The following CFLAR variants were observed in gnomAD, a reference collection of about 807,000 sequenced individuals.
The protein encoded by CFLAR is CASP8 and FADD like apoptosis regulator, also known as CASP8 and FADD-like apoptosis regulator.
A neutral mutation model predicts 51.1 loss-of-function variants in CFLAR; 14 were observed. The observed-to-expected ratio is 0.27, with a 90% confidence interval of 0.18 to 0.43. CFLAR has a LOEUF of 0.43. Among genes scored for constraint, CFLAR ranks in the 20% least tolerant of loss-of-function variants. The pLI is 1.00. For synonymous variants in CFLAR, 210 were observed against 211.6 expected, an observed-to-expected ratio of 0.99 and a Z score of 0.06; for missense variants, 390 against 566.5, an observed-to-expected ratio of 0.69 and a Z score of 3.16.
intron 1 of CFLAR, among the ~76,000 whole-genome samples, chr2:201,129,048 T>G (rs1406626491): frequency 6.6e-6 from 1 of 152,180 alleles, no homozygotes; most frequent in African/African-American, 2.4e-5. Flanking sequence ...CTCTGGCACC[T>G]CCATGGGGCT....
At chr2:201,140,776 TAC>T (rs947093094) in intron 5 of CFLAR, 9 of 159,418 alleles carry the variant, frequency 5.6e-5, no homozygotes, top group Admixed American at 2.6e-4. Flanking sequence ...TATATATATA[TAC>T]ATACATACAT....
Position 201,138,771 on chromosome 2 carries a change from G to T in CFLAR, c.524-1586G>T, listed in dbSNP as rs192199424. ...CACCTCACTGGCCTGGAACTCTGGGGTGCAGTTGTGGTGAATGAAACCAGT... is the reference window on the plus strand; with the variant it reads ...CACCTCACTGGCCTGGAACTCTGGGTTGCAGTTGTGGTGAATGAAACCAGT... On this transcript the variant is annotated intron_variant, in intron 4 of 9. Transcript: ENST00000309955. The surrounding 1 kb of genome is among the most constrained non-coding windows in gnomAD (Gnocchi z 4.0). 7.0e-5 allele frequency: 54 copies of T among 769,088 alleles called. No individual in the cohort carries two copies. The highest frequency in any genetic ancestry group is 1.1e-4 in the Non-Finnish European group (47 of 419,562). The allele number at this position is 769,088 out of a possible 1,614,324, so 47.6% of individuals were successfully genotyped here. A position where few individuals can be genotyped will look rare whatever the true frequency, so the allele number is the denominator to read the frequency against.
At chr2:201,158,138 C>T (rs1942480483) in intron 8 of CFLAR, among the ~76,000 whole-genome samples, 1 of 152,196 alleles carries the variant, frequency 6.6e-6, no homozygotes. Context: ...CAGTCTCTTC[C>T]AAGACCATGC....
Position 201,130,138 on chromosome 2 carries a change from G to T in CFLAR, c.273G>T (p.Ser91=). 1 of 1,331,094 alleles carries T rather than the reference G, an allele frequency of 7.5e-7. No individual in the cohort carries two copies. The highest frequency in any genetic ancestry group is 1.0e-6 in the Non-Finnish European group (1 of 1,002,202). The allele number at this position is 1,331,094 out of a possible 1,614,324, so 82.5% of individuals were successfully genotyped here. ...THLLRNPHLV[S]DYRVLMAEIG... Reference sequence around the variant, plus strand: ...TGCTCAGGAACCCTCACCTTGTTTCGGACTATAGGTAATTCATCAACTCTT... The same window carrying T: ...TGCTCAGGAACCCTCACCTTGTTTCTGACTATAGGTAATTCATCAACTCTT... Residue 91 remains serine (S), a synonymous_variant, in exon 2 of 10, where the codon TCG becomes TCT. Transcript: ENST00000309955.
intron 9 of CFLAR, 141 bp downstream of exon 9, chr2:201,161,083 A>G: frequency 1.6e-6 from 1 of 622,510 alleles, no homozygotes; most frequent in Non-Finnish European, 2.8e-6. Context: ...GGCTTGCCCT[A>G]GGACTACAGT....
At chr2:201,146,248 G>GT (rs1463784580) in intron 6 of CFLAR, 1 of 152,244 alleles carries the variant, frequency 6.6e-6, no homozygotes, top group Non-Finnish European at 1.5e-5. Flanking sequence ...CTGGGTTCAG[G>GT]TGATTCTTAT....
At chr2:201,163,623 G>C in intron 9 of CFLAR, 1 of 1,366,976 alleles carries the variant, frequency 7.3e-7, no homozygotes, top group Non-Finnish European at 9.4e-7. Flanking sequence ...TGTTCCCAGA[G>C]TGAAACTCAG....
At chr2:201,148,740 C>T (rs567330983) in intron 6 of CFLAR, 3 of 366,584 alleles carry the variant, frequency 8.2e-6, no homozygotes, top group Middle Eastern at 7.9e-4. Context: ...TCACCTAGAA[C>T]GGGGTAGGGG....
chr2:201,161,107 G>A (rs1942936831), intron 9 of CFLAR, among the ~76,000 whole-genome samples, 165 bp downstream of exon 9: 1 of 152,222 alleles, frequency 6.6e-6, no homozygotes, highest in African/African-American at 2.4e-5. Flanking sequence ...GACCCGGCAT[G>A]ATTTATAAAT....
intron 3 of CFLAR, 116 bp downstream of exon 3, chr2:201,133,250 C>T (rs751253971): frequency 8.8e-6 from 6 of 682,830 alleles, no homozygotes; most frequent in East Asian, 2.7e-5. Flanking sequence ...GGGAGTCAGA[C>T]ATCTCAGGTG....
In CFLAR at chr2:201,118,313, G is replaced by A. The variant is rs2047816147; in HGVS notation, c.-138+1832G>A. 6.6e-6 allele frequency among the ~76,000 whole-genome samples: 1 copy of A among 152,186 alleles called. No individual in the cohort carries two copies. Among genetic ancestry groups the A allele is most frequent in the Admixed American group, 6.5e-5 (1 of 15,282 alleles). ...AGGTGAAGCCATTTGCAGGGTCGCT[G>A]GGTTTCCCCCTCCCCCCGAAAGTCT... On this transcript the variant is annotated intron_variant, in intron 1 of 9. Coordinates refer to ENST00000309955, the MANE Select transcript of CFLAR (RefSeq NM_003879.7). This position sits in a 1 kb window ranked among gnomAD's most constrained non-coding sequence, Gnocchi z 5.1.
At chr2:201,119,770 C>A (rs1259833619) in intron 1 of CFLAR, among the ~76,000 whole-genome samples, 1 of 150,950 alleles carries the variant, frequency 6.6e-6, no homozygotes, top group Non-Finnish European at 1.5e-5. Flanking sequence ...AGTTAAAATA[C>A]ATGCAAAGTA....
intron 5 of CFLAR, chr2:201,140,830 T>TA (rs1260351379): frequency 6.4e-6 from 1 of 157,246 alleles, no homozygotes; most frequent in Non-Finnish European, 1.4e-5. Flanking sequence ...ACTGTTCATT[T>TA]ATTCACTTGA....
intron 6 of CFLAR, 96 bp from the exon 7 acceptor site, chr2:201,148,906 AG>A: frequency 1.3e-6 from 1 of 798,386 alleles, no homozygotes; most frequent in Non-Finnish European, 2.2e-6. Context: ...GAAAATAGGA[AG>A]GGAGAACAGT....
rs1248475243 is a variant in CFLAR at position 201,138,652 on chromosome 2, G to A, written c.524-1705G>A. The A allele has an allele frequency of 2.4e-6, 3 of 1,224,714 alleles. No homozygotes were observed. Among genetic ancestry groups the A allele is most frequent in the African/African-American group, 1.5e-5 (1 of 67,716 alleles). The allele number at this position is 1,224,714 out of a possible 1,614,324, so 75.9% of individuals were successfully genotyped here. On this transcript the variant is annotated intron_variant, in intron 4 of 9. Transcript: ENST00000309955. This position sits in a 1 kb window ranked among gnomAD's most constrained non-coding sequence, Gnocchi z 4.0. ...ATGGGGATGCCAGAGAAGCCATGAC[G>A]CATCTTGGCCTCCAACACATCACCC...
At position 201,169,438 on chromosome 2, in the gene CFLAR, T is replaced by A. The variant is rs934438732; in HGVS notation, c.*5465T>A. 6.6e-6 allele frequency: 1 copy of A among 152,160 alleles called. No individual in the cohort carries two copies. Among genetic ancestry groups the A allele is most frequent in the South Asian group, 2.1e-4 (1 of 4,830 alleles). The allele number at this position is 152,160 out of a possible 1,614,324, so 9.4% of individuals were successfully genotyped here. A position where few individuals can be genotyped will look rare whatever the true frequency, so the allele number is the denominator to read the frequency against. ...AGAAAATTGAAACTGACCCCTTCCT[T>A]ACACCTTATACAAAAATTAACTCAA... On this transcript the variant is annotated 3_prime_UTR_variant, in exon 10 of 10. Coordinates refer to ENST00000309955, the MANE Select transcript of CFLAR (RefSeq NM_003879.7).
At chr2:201,149,692 T>C (rs903241934) in intron 7 of CFLAR, 62 bp from the exon 8 acceptor site, 1 of 1,279,122 alleles carries the variant, frequency 7.8e-7, no homozygotes, top group South Asian at 1.2e-5. Context: ...GGTATATGGG[T>C]GGGACCTTAT....
At position 201,145,397 on chromosome 2, in the gene CFLAR, A is replaced by G. The variant is rs1939919274; in HGVS notation, c.626A>G (p.Lys209Arg). The change falls in exon 6 of 10, where the codon AAA (lysine) becomes AGA (arginine). Residue 209 changes from lysine (K) to arginine (R), a missense_variant. Around this residue, in one of 2 missense-constraint regions of CFLAR, gnomAD observed 287 missense variants for 363.6 expected, o/e 0.79. Transcript: ENST00000309955. ...TTGAAGCTCCATAATGGGAGAAGTA[A>G]AGAACAAAGACTTAAGGAACAGCTT... Reference protein sequence around the residue: ...NNFRLHNGRSKEQRLKEQLGA... With the variant: ...NNFRLHNGRSREQRLKEQLGA... 9 of 1,607,654 alleles carry G rather than the reference A, an allele frequency of 5.6e-6. 1 individual carries two copies. The highest frequency in any genetic ancestry group is 1.7e-5 in the Admixed American group (1 of 59,878).
rs532272027 is a variant in CFLAR at position 201,159,754 on chromosome 2, G to T, written c.794-678G>T. Among the ~76,000 whole-genome samples the T allele has an allele frequency of 1.3e-3, 205 of 152,310 alleles. 4 individuals carry two copies. The highest frequency in any genetic ancestry group is 0.013 in the Admixed American group (205 of 15,298). ...ATACAAATCACTCCAAAATTTAGTG[G>T]CTAAAAACAACAGTACTAATTTAAT... is the stretch of plus-strand genomic sequence containing the variant. On this transcript the variant is annotated intron_variant, in intron 8 of 9. Coordinates refer to ENST00000309955, the MANE Select transcript of CFLAR (RefSeq NM_003879.7).
Sources: gnomAD v4.1 joint callset for allele counts (sites outside exome capture counted in the v4.1 genomes callset) on GRCh38, gnomAD v4.1.1 for gene constraint, gnomAD v4.1.1 regional missense constraint, Gnocchi (gnomAD v3.1) non-coding constraint, MANE v1.5 for transcripts, NCBI Gene and HGNC (gene_info 2026-07-23, HGNC 2026-07-21) for gene names.